The following FBLN1 variants were observed in gnomAD, a reference collection of about 807,000 sequenced individuals.
FBLN1 encodes fibulin-1.
In FBLN1, 34 loss-of-function variants were observed where a neutral mutation model predicts 89.7. That is an observed-to-expected ratio of 0.38 (90% CI 0.29 to 0.50). The LOEUF (loss-of-function observed/expected upper bound fraction) is 0.50, where lower values mean the gene tolerates loss of function less well. FBLN1 is among the 20% of genes least tolerant of loss of function. The pLI, the probability that FBLN1 is intolerant of heterozygous loss-of-function variation, is 0.92. For synonymous variants in FBLN1, 393 were observed against 391.3 expected (o/e 1.00, Z -0.05); for missense variants, 777 against 988.1 (o/e 0.79, Z 2.86).
At chr22:45,518,901 G>A (rs2088208925) in intron 2 of FBLN1, 114 bp downstream of exon 2, 6 of 974,656 alleles carry the variant, frequency 6.2e-6, no homozygotes, top group East Asian at 5.2e-5. Flanking sequence ...ACCCAGGCCC[G>A]GATCCATCCA....
At chr22:45,547,873 AG>A (rs2088652562) in intron 12 of FBLN1, among the ~76,000 whole-genome samples, 4 of 151,896 alleles carry the variant, frequency 2.6e-5, no homozygotes, top group Admixed American at 2.6e-4. Context: ...AGAGGTAAGG[AG>A]GGGGCTCAGG....
At chr22:45,594,570 A>G (rs1472769915) in intron 16 of FBLN1, among the ~76,000 whole-genome samples, 1 of 151,138 alleles carries the variant, frequency 6.6e-6, no homozygotes, top group African/African-American at 2.4e-5. Context: ...ATGGGTGGGT[A>G]GCATCTAATG....
intron 16 of FBLN1, among the ~76,000 whole-genome samples, chr22:45,589,383 T>G (rs1311914407): frequency 6.6e-6 from 1 of 152,118 alleles, no homozygotes; most frequent in Non-Finnish European, 1.5e-5. Context: ...AGTTGTCACT[T>G]CTGCATCCTG....
Sources: gnomAD v4.1 joint callset for allele counts (sites outside exome capture counted in the v4.1 genomes callset) on GRCh38, gnomAD v4.1.1 for gene constraint, MANE v1.5 for transcripts, NCBI Gene and HGNC (gene_info 2026-07-23, HGNC 2026-07-21) for gene names.